Variants in TRAPPC9 observed in about 807,000 individuals in gnomAD.
The protein encoded by TRAPPC9 is trafficking protein particle complex subunit 9.
TRAPPC9 carries 83 observed loss-of-function variants against 124.0 expected under a neutral mutation model. The observed-to-expected ratio is 0.67, with a 90% confidence interval of 0.56 to 0.80. The LOEUF (loss-of-function observed/expected upper bound fraction) is 0.80, where lower values mean the gene tolerates loss of function less well. Ranked by LOEUF, TRAPPC9 falls within the 30% of genes least tolerant of loss-of-function variation. The pLI is 0.00. For missense variants in TRAPPC9, 1,302 were observed against 1,508.3 expected (o/e 0.86, Z 2.27); for synonymous variants, 638 against 617.5 (o/e 1.03, Z -0.49).
At chr8:140,342,034 G>A (rs1255722715) in intron 9 of TRAPPC9, among the ~76,000 whole-genome samples, 4 of 152,226 alleles carry the variant, frequency 2.6e-5, no homozygotes, top group African/African-American at 9.6e-5. Flanking sequence ...AGAAAGGGCG[G>A]ATCTGGAAGG....
intron 15 of TRAPPC9, among the ~76,000 whole-genome samples, chr8:140,269,817 G>A (rs1444609390): frequency 6.6e-6 from 1 of 152,082 alleles, no homozygotes; most frequent in Non-Finnish European, 1.5e-5. Context: ...CACCAAGGAT[G>A]GTCGGGCACG....
At chr8:140,390,401 G>A (rs368269337) in intron 7 of TRAPPC9, among the ~76,000 whole-genome samples, 2 of 152,228 alleles carry the variant, frequency 1.3e-5, no homozygotes, top group South Asian at 4.1e-4. Context: ...AAGCTGTGAA[G>A]CACCATTCTC....
intron 9 of TRAPPC9, among the ~76,000 whole-genome samples, chr8:140,359,029 G>C (rs1433609674): frequency 6.6e-6 from 1 of 152,164 alleles, no homozygotes; most frequent in Non-Finnish European, 1.5e-5. Context: ...ACATCACCCA[G>C]GGTAGACTGC....
At chr8:140,067,939 C>T (rs1162605956) in intron 17 of TRAPPC9, among the ~76,000 whole-genome samples, 1 of 152,180 alleles carries the variant, frequency 6.6e-6, no homozygotes, top group Non-Finnish European at 1.5e-5. Flanking sequence ...CTGGCCCATA[C>T]CCAGCCCCAC....
Position 140,228,120 on chromosome 8 carries a change from T to C in TRAPPC9, c.2432-6537A>G, listed in dbSNP as rs1359496594. Among the ~76,000 whole-genome samples, 4 of 152,314 alleles carry C rather than the reference T, an allele frequency of 2.6e-5. No individual in the cohort carries two copies. In the South Asian group the frequency reaches 8.3e-4, roughly 32 times the overall value. ...GTGGTGGGATCTATGCAGGGATGTGTCCATTTTGGTACACTTTCAAAAGAG... is the reference window on the plus strand; with the variant it reads ...GTGGTGGGATCTATGCAGGGATGTGCCCATTTTGGTACACTTTCAAAAGAG... On this transcript the variant is annotated intron_variant, in intron 16 of 22. Coordinates refer to ENST00000438773, the MANE Select transcript of TRAPPC9 (RefSeq NM_001160372.4).
chr8:140,273,907 A>G (rs1563906370), intron 15 of TRAPPC9, among the ~76,000 whole-genome samples: 1 of 152,190 alleles, frequency 6.6e-6, no homozygotes, highest in Non-Finnish European at 1.5e-5. Flanking sequence ...CAAGAGAAAG[A>G]GTAGAATAAA....
In TRAPPC9 at chr8:140,383,343, C is replaced by T. The variant is rs569154803; in HGVS notation, c.1135-12163G>A. ...ACTTTGATGAGTTGAGAGAAGAAGGCTTCAGATGACCAAACTTCTCCAAGC... is the reference window on the plus strand; with the variant it reads ...ACTTTGATGAGTTGAGAGAAGAAGGTTTCAGATGACCAAACTTCTCCAAGC... On this transcript the variant is annotated intron_variant, in intron 7 of 22. Transcript: ENST00000438773. 4.6e-5 allele frequency among the ~76,000 whole-genome samples: 7 copies of T among 152,286 alleles called. No individual in the cohort carries two copies. The East Asian group carries it at 7.7e-4, about 17-fold the overall frequency.
chr8:140,038,702 A>C (rs1023201619), intron 17 of TRAPPC9, among the ~76,000 whole-genome samples: 3 of 152,230 alleles, frequency 2.0e-5, no homozygotes, highest in African/African-American at 7.2e-5. Flanking sequence ...GGTCAAAGCA[A>C]AAACCCCACG....
At chr8:139,996,521 T>C (rs1425986276) in intron 18 of TRAPPC9, among the ~76,000 whole-genome samples, 1 of 150,494 alleles carries the variant, frequency 6.6e-6, no homozygotes, top group Non-Finnish European at 1.5e-5. Context: ...GATTATCCAA[T>C]GGAAACAACA....
At chr8:139,945,926 T>C (rs1014742523) in intron 19 of TRAPPC9, among the ~76,000 whole-genome samples, 1 of 152,240 alleles carries the variant, frequency 6.6e-6, no homozygotes, top group Non-Finnish European at 1.5e-5. Context: ...GTAAAGGAAT[T>C]ATAGCAAAAT....
At chr8:139,932,591 G>A (rs567135957) in intron 19 of TRAPPC9, 28 of 446,612 alleles carry the variant, frequency 6.3e-5, no homozygotes, top group African/African-American at 2.2e-4. Flanking sequence ...GGTGAAACCC[G>A]TCTCTACTAA....
chr8:140,161,258 T>C (rs1354824030), intron 17 of TRAPPC9, among the ~76,000 whole-genome samples: 1 of 152,058 alleles, frequency 6.6e-6, no homozygotes, highest in Admixed American at 6.6e-5. Context: ...ACCCCAATTT[T>C]ACAGAGGTAG....
chr8:140,238,165 C>G (rs945661318), intron 16 of TRAPPC9, among the ~76,000 whole-genome samples: 4 of 152,186 alleles, frequency 2.6e-5, no homozygotes, highest in African/African-American at 9.7e-5. Flanking sequence ...GTCCAGGAGA[C>G]GTCGGTTCCG....
intron 7 of TRAPPC9, among the ~76,000 whole-genome samples, chr8:140,391,515 C>T (rs2068922343): frequency 6.6e-6 from 1 of 151,142 alleles, no homozygotes; most frequent in Non-Finnish European, 1.5e-5. Flanking sequence ...GAGTTCGAGA[C>T]CAGCCTGACC....
At chr8:140,012,003 G>A (rs1385450346) in intron 18 of TRAPPC9, among the ~76,000 whole-genome samples, 1 of 151,960 alleles carries the variant, frequency 6.6e-6, no homozygotes, top group Non-Finnish European at 1.5e-5. Context: ...GTAGAGATGG[G>A]GTTTCACTAT....
intron 18 of TRAPPC9, 34 bp from the exon 19 acceptor site, chr8:139,988,870 C>T: frequency 7.2e-7 from 1 of 1,394,806 alleles, no homozygotes; most frequent in South Asian, 1.2e-5. Context: ...TCAGAATCCT[C>T]TGACAGCCAA....
intron 21 of TRAPPC9, among the ~76,000 whole-genome samples, chr8:139,826,237 C>A (rs1416379851): frequency 6.6e-6 from 1 of 152,142 alleles, no homozygotes; most frequent in Non-Finnish European, 1.5e-5. Flanking sequence ...AACAGGGAGT[C>A]CACTGGGCTG....
chr8:139,936,956 G>C (rs965035273), intron 19 of TRAPPC9, among the ~76,000 whole-genome samples: 1 of 132,968 alleles, frequency 7.5e-6, no homozygotes, highest in African/African-American at 2.8e-5. Flanking sequence ...AGCATGGAGA[G>C]AGTGGGCGAG....
chr8:140,063,073 T>C lies in TRAPPC9; in HGVS notation c.2557-38994A>G, dbSNP rs1236416408. On this transcript the variant is annotated intron_variant, in intron 17 of 22. Transcript: ENST00000438773. The surrounding 1 kb of genome is among the most constrained non-coding windows in gnomAD (Gnocchi z 4.3). Reference sequence around the variant, plus strand: ...AAGGAGAAGTGAATGCAGGAGGAACTACTGAACACCTGAACACTTACAAAC... The same window carrying C: ...AAGGAGAAGTGAATGCAGGAGGAACCACTGAACACCTGAACACTTACAAAC... 6.6e-6 allele frequency among the ~76,000 whole-genome samples: 1 copy of C among 152,134 alleles called. No individual in the cohort carries two copies. The highest frequency in any genetic ancestry group is 1.5e-5 in the Non-Finnish European group (1 of 68,028).
Sources: allele counts gnomAD v4.1 joint callset (sites outside exome capture counted in the v4.1 genomes callset), GRCh38; gene constraint gnomAD v4.1.1; non-coding constraint Gnocchi (gnomAD v3.1); transcripts MANE v1.5; gene names NCBI Gene and HGNC (gene_info 2026-07-23, HGNC 2026-07-21).